Variants in XPC observed in about 807,000 individuals in gnomAD.
The protein encoded by XPC is XPC complex subunit, DNA damage recognition and repair factor.
XPC carries 76 observed loss-of-function variants against 95.8 expected under a neutral mutation model. That is an observed-to-expected ratio of 0.79 (90% CI 0.66 to 0.96). The LOEUF (loss-of-function observed/expected upper bound fraction) is 0.96, where lower values mean the gene tolerates loss of function less well. Ranked by LOEUF, XPC falls within the 40% of genes least tolerant of loss-of-function variation. The pLI, the probability that XPC is intolerant of heterozygous loss-of-function variation, is 0.00. For missense variants in XPC, 1,146 were observed against 1,179.8 expected, an observed-to-expected ratio of 0.97 and a Z score of 0.42; for synonymous variants, 442 against 442.1, an observed-to-expected ratio of 1.00 and a Z score of 0.00.
In XPC at chr3:14,164,818, C is replaced by G; in HGVS notation, c.895G>C (p.Val299Leu). Residue 299 changes from valine (V) to leucine (L), a missense_variant, in exon 7 of 16, where the codon GTC (valine) becomes CTC (leucine). Coordinates refer to ENST00000285021, the MANE Select transcript of XPC (RefSeq NM_004628.5). ...GATCCGGGAGGATCACTTACATGGA[C>G]CAATTCCTCATCATCTCGAGCAGAG... ...IYSARDDEEL[V>L]HIFLLILRAL... is the part of the protein sequence containing the mutation. The G allele has an allele frequency of 6.2e-7, 1 of 1,613,022 alleles. No homozygotes were observed. Among genetic ancestry groups the G allele is most frequent in the Non-Finnish European group, 8.5e-7 (1 of 1,179,542 alleles).
intron 1 of XPC, among the ~76,000 whole-genome samples, chr3:14,177,918 G>A: frequency 6.6e-6 from 1 of 152,184 alleles, no homozygotes; most frequent in East Asian, 1.9e-4. Flanking sequence ...TAAGAAAAAG[G>A]TGGGCTTTGC....
rs55645123 is a variant in XPC, at chr3:14,165,828, CTTTGTTTTCAAAATACAAACTG to C, written c.622-265_622-244del. Reference sequence around the variant, plus strand: ...CCTCAAAGCTTCAAAATACAAATTGCTTTGTTTTCAAAATACAAACTGTTTTTGTTTTGGTCTTGTCTTTCAG... The same window carrying C: ...CCTCAAAGCTTCAAAATACAAATTGCTTTTTGTTTTGGTCTTGTCTTTCAG... On this transcript the variant is annotated intron_variant, in intron 5 of 15. Transcript: ENST00000285021. 3.3e-3 allele frequency: 1,581 copies of C among 473,460 alleles called. 16 individuals carry two copies. Among genetic ancestry groups the C allele is most frequent in the African/African-American group, 0.023 (1,190 of 51,452 alleles). The allele number at this position is 473,460 out of a possible 1,614,324, so 29.3% of individuals were successfully genotyped here.
At chr3:14,151,431 A>G (rs972347170) in intron 11 of XPC, 19 of 152,252 alleles carry the variant, frequency 1.2e-4, no homozygotes, top group African/African-American at 4.6e-4. Flanking sequence ...TGGTTCCAGC[A>G]CAAAAGACAG....
intron 3 of XPC, 90 bp from the exon 4 acceptor site, chr3:14,168,470 AG>A: frequency 6.6e-7 from 1 of 1,508,368 alleles, no homozygotes. Context: ...GCTGGGAAGG[AG>A]GAAGTGAGGC....
chr3:14,147,050 A>G (rs979335692), intron 15 of XPC, among the ~76,000 whole-genome samples: 3 of 152,202 alleles, frequency 2.0e-5, no homozygotes, highest in African/African-American at 7.2e-5. Flanking sequence ...TCATGTGGAC[A>G]GTAGAAACGG....
At chr3:14,168,154 A>T in intron 4 of XPC, 103 bp downstream of exon 4, 3 of 1,423,402 alleles carry the variant, frequency 2.1e-6, no homozygotes, top group Non-Finnish European at 2.8e-6. Context: ...GACCACTTTG[A>T]TACTCAGTCC....
intron 15 of XPC, 152 bp downstream of exon 15, chr3:14,147,138 A>T: frequency 2.5e-6 from 2 of 795,886 alleles, no homozygotes; most frequent in Non-Finnish European, 2.0e-6. Context: ...CAAGGTAAAA[A>T]CAAGCGGCCT....
intron 6 of XPC, 96 bp downstream of exon 6, chr3:14,165,332 C>A: frequency 7.0e-7 from 1 of 1,425,564 alleles, no homozygotes; most frequent in Non-Finnish European, 9.4e-7. Flanking sequence ...TAGTTACCGC[C>A]TCAGGGAAGG....
rs888587855 is a variant in XPC, at chr3:14,165,551, T to A, written c.656A>T (p.Tyr219Phe). 1 of 1,612,844 alleles carries A rather than the reference T, an allele frequency of 6.2e-7. No homozygotes were observed. Among genetic ancestry groups the A allele is most frequent in the Non-Finnish European group, 8.5e-7 (1 of 1,179,584 alleles). ...TGGCTGGCTGCAGATGTTATTTCGA[T>A]AGAAGCCATTTGCTAGCAGGCAGAG... ...HLLCLLANGFYRNNICSQPDL... is the reference protein window; with the variant it reads ...HLLCLLANGFFRNNICSQPDL... Residue 219 changes from tyrosine to phenylalanine, a missense_variant, in exon 6 of 16, where the codon TAT becomes TTT. Tyr to Phe is a conservative substitution (Grantham distance 22). Transcript: ENST00000285021.
intron 7 of XPC, chr3:14,164,571 G>A (rs1248675057): frequency 1.7e-5 from 7 of 411,692 alleles, no homozygotes; most frequent in Non-Finnish European, 2.6e-5. Context: ...AGAGGCGATA[G>A]GGAGGAAAGC....
chr3:14,170,697 T>C (rs1696577067), intron 2 of XPC, 147 bp from the exon 3 acceptor site: 1 of 561,290 alleles, frequency 1.8e-6, no homozygotes, highest in Non-Finnish European at 3.1e-6. Context: ...TGAGCCTCAC[T>C]TCCTCCATCA....
In XPC at chr3:14,153,661, G is replaced by A. The variant is rs187579078; in HGVS notation, c.2034-1245C>T. ...ACCTACATGAGGTCCGGTTAGGTTC[G>A]GCAGGTTAGGTATATTAAATGCATT... On this transcript the variant is annotated intron_variant, in intron 10 of 15. Coordinates refer to ENST00000285021, the MANE Select transcript of XPC (RefSeq NM_004628.5). Among the ~76,000 whole-genome samples the A allele has an allele frequency of 3.8e-4, 58 of 152,260 alleles. No individual in the cohort carries two copies. In the East Asian group the frequency reaches 8.9e-3, roughly 23 times the overall value.
intron 6 of XPC, 77 bp from the exon 7 acceptor site, chr3:14,165,010 A>G: frequency 6.5e-7 from 1 of 1,546,086 alleles, no homozygotes; most frequent in Non-Finnish European, 8.7e-7. Flanking sequence ...AGAAAATAAA[A>G]AGAGGGAGTG....
intron 7 of XPC, among the ~76,000 whole-genome samples, chr3:14,163,054 A>C (rs1254045279): frequency 1.3e-5 from 2 of 152,238 alleles, no homozygotes; most frequent in Non-Finnish European, 2.9e-5. Flanking sequence ...TCAAAACCAC[A>C]ATGAGGTATC....
At chr3:14,176,511 T>C (rs550580313) in intron 1 of XPC, among the ~76,000 whole-genome samples, 1 of 152,364 alleles carries the variant, frequency 6.6e-6, no homozygotes, top group South Asian at 2.1e-4. Flanking sequence ...CTCCAAGATA[T>C]GTTTATCTCT....
intron 2 of XPC, among the ~76,000 whole-genome samples, chr3:14,171,758 G>T (rs1025242201): frequency 2.0e-5 from 3 of 152,144 alleles, no homozygotes; most frequent in African/African-American, 7.2e-5. Context: ...GGGAGGCGGA[G>T]GTTGCAGTGA....
chr3:14,152,662 A>T, intron 10 of XPC: 2 of 422,444 alleles, frequency 4.7e-6, no homozygotes, highest in South Asian at 3.9e-5. Context: ...TGCCTCCACC[A>T]CTCCTCCCCT....
intron 5 of XPC, 69 bp downstream of exon 5, chr3:14,167,100 A>G (rs921953492): frequency 1.4e-5 from 19 of 1,385,632 alleles, no homozygotes; most frequent in Admixed American, 2.6e-5. Flanking sequence ...GCCAGAAATA[A>G]AGCCTCGGTG....
At chr3:14,166,482 A>T (rs3731107) in intron 5 of XPC, among the ~76,000 whole-genome samples, 11 of 151,882 alleles carry the variant, frequency 7.2e-5, no homozygotes, top group Admixed American at 1.3e-4. Flanking sequence ...CCCACCATCC[A>T]TCAAAGGGAA....
Sources: allele counts gnomAD v4.1 joint callset (sites outside exome capture counted in the v4.1 genomes callset), GRCh38; gene constraint gnomAD v4.1.1; transcripts MANE v1.5; gene names NCBI Gene and HGNC (gene_info 2026-07-23, HGNC 2026-07-21).